The following PHLDB2 variants were observed in gnomAD, a reference collection of about 807,000 sequenced individuals.
The protein encoded by PHLDB2 is pleckstrin homology like domain family B member 2, also known as pleckstrin homology-like domain family B member 2.
A neutral mutation model predicts 123.6 loss-of-function variants in PHLDB2; 71 were observed. The observed-to-expected ratio is 0.57, with a 90% CI of 0.47 to 0.70. The LOEUF (loss-of-function observed/expected upper bound fraction) is 0.70. PHLDB2 is among the 30% of genes least tolerant of loss of function. The probability of loss-of-function intolerance (pLI) is 0.00; values close to 1 mark genes in which losing one functional copy is unlikely to be tolerated. For synonymous variants in PHLDB2, 547 were observed against 541.6 expected, an observed-to-expected ratio of 1.01 and a Z score of -0.14; for missense variants, 1,446 against 1,519.5, an observed-to-expected ratio of 0.95 and a Z score of 0.80.
intron 1 of PHLDB2, among the ~76,000 whole-genome samples, chr3:111,750,247 T>C (rs2059746712): frequency 6.6e-6 from 1 of 152,230 alleles, no homozygotes; most frequent in Admixed American, 6.5e-5. Context: ...AGCTCATTCA[T>C]TCAAATGCAA....
At chr3:111,831,034 G>GAAAAGAAAGAAAGAAAGA (rs1559855393) in intron 1 of PHLDB2, among the ~76,000 whole-genome samples, 11 of 46,172 alleles carry the variant, frequency 2.4e-4, no homozygotes, top group African/African-American at 3.3e-4. Context: ...AGAAAGAAAG[G>GAAAAGAAAGAAAGAAAGA]AAGGAAGGAA....
At chr3:111,830,581 G>A (rs533947116) in intron 1 of PHLDB2, among the ~76,000 whole-genome samples, 2 of 149,876 alleles carry the variant, frequency 1.3e-5, no homozygotes, top group East Asian at 3.9e-4. Flanking sequence ...AGGCCGAGGC[G>A]GGCGGATCAC....
chr3:111,825,418 T>A (rs901977923), intron 1 of PHLDB2, among the ~76,000 whole-genome samples: 1 of 152,144 alleles, frequency 6.6e-6, no homozygotes, highest in Non-Finnish European at 1.5e-5. Flanking sequence ...GTAAAAAAAA[T>A]AGCCATTCTA....
chr3:111,747,178 G>A (rs976666503), intron 1 of PHLDB2, among the ~76,000 whole-genome samples: 11 of 152,060 alleles, frequency 7.2e-5, no homozygotes, highest in African/African-American at 2.4e-4. Context: ...TTATTCTTAT[G>A]AGTATTAAAA....
intron 1 of PHLDB2, among the ~76,000 whole-genome samples, chr3:111,764,211 A>C (rs751382225): frequency 3.3e-5 from 5 of 152,176 alleles, no homozygotes; most frequent in Non-Finnish European, 7.4e-5. Flanking sequence ...AATGTTTGGG[A>C]AGTTCTCAAC....
At chr3:111,953,422 T>C (rs1235729635) in intron 11 of PHLDB2, among the ~76,000 whole-genome samples, 1 of 152,194 alleles carries the variant, frequency 6.6e-6, no homozygotes, top group Non-Finnish European at 1.5e-5. Context: ...TATAAATTTG[T>C]GTTTCAAGTA....
intron 2 of PHLDB2, among the ~76,000 whole-genome samples, chr3:111,852,530 G>A (rs974493009): frequency 1.1e-4 from 16 of 151,804 alleles, no homozygotes; most frequent in Non-Finnish European, 2.2e-4. Context: ...CAGATGAAAG[G>A]AAAAACAAAG....
chr3:111,886,138 C>T (rs1256231918), intron 2 of PHLDB2, among the ~76,000 whole-genome samples: 1 of 152,196 alleles, frequency 6.6e-6, no homozygotes, highest in African/African-American at 2.4e-5. Context: ...ACAGGTTTTT[C>T]TCTTAGAATG....
intron 1 of PHLDB2, among the ~76,000 whole-genome samples, chr3:111,863,904 T>A (rs1014476032): frequency 1.3e-5 from 2 of 152,238 alleles, no homozygotes; most frequent in African/African-American, 4.8e-5. Context: ...TTTACATTGC[T>A]ATGGTTAGCC....
intron 1 of PHLDB2, among the ~76,000 whole-genome samples, chr3:111,830,955 G>GAGAGAGAGAGAA (rs1553736315): frequency 1.5e-3 from 93 of 63,696 alleles, no homozygotes; most frequent in South Asian, 4.0e-3. Context: ...AAGAAAGAAA[G>GAGAGAGAGAGAA]AGAAAGAAAG....
At chr3:111,845,282 G>A in intron 1 of PHLDB2, among the ~76,000 whole-genome samples, 1 of 145,974 alleles carries the variant, frequency 6.9e-6, no homozygotes, top group African/African-American at 2.5e-5. Flanking sequence ...TTGAATCCGG[G>A]AGGTGGAGGT....
intron 14 of PHLDB2, 50 bp downstream of exon 14, chr3:111,966,753 G>T: frequency 6.8e-7 from 1 of 1,466,426 alleles, no homozygotes; most frequent in Non-Finnish European, 9.5e-7. Context: ...TGGTGCAGGA[G>T]CCCTGCGCTT....
At chr3:111,972,377 G>A (rs1000132389) in intron 16 of PHLDB2, among the ~76,000 whole-genome samples, 1 of 152,056 alleles carries the variant, frequency 6.6e-6, no homozygotes, top group East Asian at 1.9e-4. Context: ...CAATTAAATA[G>A]TTTTACTCTC....
intron 1 of PHLDB2, among the ~76,000 whole-genome samples, chr3:111,791,619 G>T (rs1367644560): frequency 6.6e-6 from 1 of 151,942 alleles, no homozygotes; most frequent in Non-Finnish European, 1.5e-5. Flanking sequence ...TTAATGAAAT[G>T]GTTATAAAAT....
intron 1 of PHLDB2, among the ~76,000 whole-genome samples, chr3:111,827,970 G>A (rs540200530): frequency 1.3e-5 from 2 of 152,256 alleles, no homozygotes; most frequent in South Asian, 4.1e-4. Context: ...GACAAAGGAG[G>A]GTATAGCTTA....
intron 1 of PHLDB2, among the ~76,000 whole-genome samples, chr3:111,821,046 G>A (rs9836042): frequency 0.15 from 23,442 of 152,124 alleles, 2,152 homozygotes; most frequent in Non-Finnish European, 0.19. Context: ...TCCTCTCCTG[G>A]AGACTTCAGG....
chr3:111,865,931 C>T (rs181878977), intron 1 of PHLDB2, among the ~76,000 whole-genome samples: 12 of 150,564 alleles, frequency 8.0e-5, no homozygotes, highest in South Asian at 6.3e-4. Flanking sequence ...TCTGCACAAT[C>T]AGCTGCTAAG....
intron 1 of PHLDB2, among the ~76,000 whole-genome samples, chr3:111,812,537 C>A (rs75704261): frequency 0.019 from 2,950 of 152,280 alleles, 46 homozygotes; most frequent in Middle Eastern, 0.075. Flanking sequence ...GAATTAATGA[C>A]CTCATTGGGA....
chr3:111,856,519 T>C (rs2064516386), upstream of PHLDB2, among the ~76,000 whole-genome samples: 1 of 152,264 alleles, frequency 6.6e-6, no homozygotes, highest in South Asian at 2.1e-4. Context: ...ATAGTAATTA[T>C]TGCTCTCAAT....
Sources: gnomAD v4.1 joint callset for allele counts (sites outside exome capture counted in the v4.1 genomes callset) on GRCh38, gnomAD v4.1.1 for gene constraint, MANE v1.5 for transcripts, NCBI Gene and HGNC (gene_info 2026-07-23, HGNC 2026-07-21) for gene names.